The following MRC1 variants were observed in gnomAD, a reference collection of about 807,000 sequenced individuals.
MRC1 encodes macrophage mannose receptor 1.
MRC1 carries 62 observed loss-of-function variants against 102.9 expected under a neutral mutation model. That is an observed-to-expected ratio of 0.60 (90% CI 0.49 to 0.74). MRC1 has a LOEUF of 0.74. Ranked by LOEUF, MRC1 falls within the 30% of genes least tolerant of loss-of-function variation. MRC1 has a pLI of 0.00. For synonymous variants in MRC1, 457 were observed against 298.4 expected (o/e 1.53, Z -5.48); for missense variants, 1,237 against 862.8 (o/e 1.43, Z -5.43).
intron 12 of MRC1, among the ~76,000 whole-genome samples, chr10:17,867,105 C>T (rs1189311124): frequency 2.1e-5 from 3 of 145,602 alleles, no homozygotes; most frequent in South Asian, 4.8e-4. Context: ...CCTTCCCTTC[C>T]TTACCCCCTT....
At chr10:17,813,565 T>C (rs942221393) in intron 1 of MRC1, among the ~76,000 whole-genome samples, 8 of 151,192 alleles carry the variant, frequency 5.3e-5, no homozygotes, top group African/African-American at 1.9e-4. Context: ...TTGTTCTCCA[T>C]CTTTCTCAGT....
chr10:17,846,338 A>G (rs949991558), intron 6 of MRC1, among the ~76,000 whole-genome samples: 2 of 124,178 alleles, frequency 1.6e-5, no homozygotes, highest in East Asian at 5.0e-4. Flanking sequence ...AAGACAAACT[A>G]CATATTTTTT....
intron 1 of MRC1, among the ~76,000 whole-genome samples, chr10:17,822,567 G>A (rs1174347810): frequency 6.6e-6 from 1 of 152,224 alleles, no homozygotes; most frequent in Non-Finnish European, 1.5e-5. Context: ...GCTACAGTGA[G>A]CCATGATTGC....
intron 23 of MRC1, among the ~76,000 whole-genome samples, chr10:17,895,872 G>C (rs1833748188): frequency 6.6e-6 from 1 of 152,240 alleles, no homozygotes; most frequent in Admixed American, 6.5e-5. Flanking sequence ...TTGTGGAGCA[G>C]AGCTTACGCC....
At chr10:17,892,988 G>A (rs1375841272) in intron 22 of MRC1, among the ~76,000 whole-genome samples, 117 of 144,152 alleles carry the variant, frequency 8.1e-4, no homozygotes, top group Non-Finnish European at 3.3e-4. Flanking sequence ...CCAGCCTGGC[G>A]ACAGAGCGAG....
At chr10:17,815,421 T>C (rs1838295944) in intron 1 of MRC1, among the ~76,000 whole-genome samples, 2 of 152,158 alleles carry the variant, frequency 1.3e-5, no homozygotes, top group African/African-American at 4.8e-5. Context: ...TTTATTTATC[T>C]TAAGGGGGAT....
chr10:17,902,734 T>C (rs982601819), intron 26 of MRC1, among the ~76,000 whole-genome samples: 3 of 152,176 alleles, frequency 2.0e-5, no homozygotes, highest in Non-Finnish European at 4.4e-5. Flanking sequence ...AACCTCATTT[T>C]CTCCACGTTC....
Position 17,844,609 on chromosome 10 carries a change from G to A in MRC1, c.917-680G>A, listed in dbSNP as rs1183037697. On this transcript the variant is annotated intron_variant, in intron 5 of 29. Transcript: ENST00000569591. ...TGTAGATTCAGAGATACATGTACAC[G>A]GTTGTTACATACCTAGGTAAATTGC... 3.9e-5 allele frequency among the ~76,000 whole-genome samples: 6 copies of A among 152,130 alleles called. No homozygotes were observed. The South Asian group carries it at 8.3e-4, about 21-fold the overall frequency.
rs781842929 is a variant in MRC1 at position 17,879,774 on chromosome 10, A to G, written c.2672A>G (p.Asn891Ser). Residue 891 changes from asparagine to serine, a missense_variant, in exon 19 of 30, where the codon AAT (asparagine) becomes AGT (serine). Asn to Ser is a conservative substitution (Grantham distance 46, BLOSUM62 1). Transcript: ENST00000569591. ...GTGTCTTGGGCCACAGGTGAACCCA[A>G]TTTTGCAAATGAAGATGAAAACTGT... ...DYVSWATGEP[N>S]FANEDENCVT... is the part of the protein sequence containing the mutation. 181 of 780,854 alleles carry G rather than the reference A, an allele frequency of 2.3e-4. No homozygotes were observed. Among genetic ancestry groups the G allele is most frequent in the Admixed American group, 6.6e-4 (39 of 59,036 alleles). 48.4% of individuals were successfully genotyped at this position (780,854 alleles called of 1,614,324 possible). A position where few individuals can be genotyped will look rare whatever the true frequency, so the allele number is the denominator to read the frequency against.
At chr10:17,841,918 T>G (rs1458244020) in intron 5 of MRC1, among the ~76,000 whole-genome samples, 1 of 152,140 alleles carries the variant, frequency 6.6e-6, no homozygotes, top group Non-Finnish European at 1.5e-5. Flanking sequence ...CATTGAGTGG[T>G]TTTCGCATTT....
At chr10:17,856,403 A>G (rs570956162) in intron 9 of MRC1, 51 bp downstream of exon 9, 14 of 811,156 alleles carry the variant, frequency 1.7e-5, no homozygotes, top group African/African-American at 1.5e-4. Flanking sequence ...ATGAGTTGAT[A>G]CCGTTGGCTT....
At chr10:17,844,967 G>C in intron 5 of MRC1, 1 of 516,794 alleles carries the variant, frequency 1.9e-6, no homozygotes, top group Admixed American at 2.6e-5. Context: ...ACCTCTCTTT[G>C]ATAATGTAAT....
chr10:17,860,949 A>G (rs1009742240), intron 9 of MRC1, among the ~76,000 whole-genome samples: 202 of 152,318 alleles, frequency 1.3e-3, no homozygotes, highest in South Asian at 8.9e-3. Context: ...CAGATTCTTC[A>G]GAGTTGTGTT....
At chr10:17,827,372 CAAAAA>C (rs782616938) in intron 2 of MRC1, among the ~76,000 whole-genome samples, 165 bp from the exon 3 acceptor site, 28 of 64,044 alleles carry the variant, frequency 4.4e-4, no homozygotes, top group African/African-American at 6.1e-4. Context: ...AAAAAATACC[CAAAAA>C]AAAAAAAAAA....
chr10:17,824,985 A>G (rs1176099379), intron 2 of MRC1, among the ~76,000 whole-genome samples: 1 of 152,098 alleles, frequency 6.6e-6, no homozygotes, highest in Non-Finnish European at 1.5e-5. Flanking sequence ...TAATATACAT[A>G]TTGGGAAAAA....
In MRC1 at chr10:17,866,832, T is replaced by C. The variant is rs34583943; in HGVS notation, c.1983+71T>C. On this transcript the variant is annotated intron_variant, in intron 12 of 29. Transcript: ENST00000569591. ...CAGCCTAAAGAATCATCTAAGGACA[T>C]AGAAAACAAACAAAAACCAAAACAC... 5,395 of 778,596 alleles carry C rather than the reference T, an allele frequency of 6.9e-3. 201 individuals carry two copies. In the African/African-American group the frequency reaches 0.081, roughly 12 times the overall value. The allele number at this position is 778,596 out of a possible 1,614,324, so 48.2% of individuals were successfully genotyped here. A position where few individuals can be genotyped will look rare whatever the true frequency, so the allele number is the denominator to read the frequency against.
Position 17,900,865 on chromosome 10 carries a change from A to G in MRC1, c.3561A>G (p.Lys1187=). 1.3e-6 allele frequency: 1 copy of G among 780,848 alleles called. No individual in the cohort carries two copies. The highest frequency in any genetic ancestry group is 1.7e-5 in the Admixed American group (1 of 59,032). The allele number at this position is 780,848 out of a possible 1,614,324, so 48.4% of individuals were successfully genotyped here. Residue 1187 remains lysine, a synonymous_variant, in exon 25 of 30, where the codon AAA becomes AAG. Transcript: ENST00000569591. ...TNWAADEPKL[K]SACVYLDLDG... ...GGGCTGCTGATGAGCCCAAATTGAA[A>G]TCAGCATGTGTTTATCTGGATCTTG... is the stretch of plus-strand genomic sequence containing the variant.
intron 8 of MRC1, among the ~76,000 whole-genome samples, chr10:17,855,243 A>G (rs1271611794): frequency 6.6e-6 from 1 of 152,072 alleles, no homozygotes; most frequent in African/African-American, 2.4e-5. Context: ...AACTTGATTA[A>G]TTTGAAGACA....
intron 1 of MRC1, among the ~76,000 whole-genome samples, chr10:17,821,939 A>G (rs1350608769): frequency 2.0e-5 from 3 of 152,218 alleles, no homozygotes; most frequent in African/African-American, 7.2e-5. Context: ...TGTTTAATTT[A>G]TGTTTATGTC....
Sources: gnomAD v4.1 joint callset for allele counts (sites outside exome capture counted in the v4.1 genomes callset) on GRCh38, gnomAD v4.1.1 for gene constraint, MANE v1.5 for transcripts, NCBI Gene and HGNC (gene_info 2026-07-23, HGNC 2026-07-21) for gene names.